AASDH: variants seen among roughly 807,000 people sequenced by gnomAD.
The protein encoded by AASDH is beta-alanine-activating enzyme.
AASDH carries 81 observed loss-of-function variants against 102.3 expected under a neutral mutation model. The ratio of observed to expected loss-of-function variants is 0.79; its 90% CI spans 0.66 to 0.95. The LOEUF (loss-of-function observed/expected upper bound fraction) is 0.95, where lower values mean the gene tolerates loss of function less well. AASDH is among the 40% of genes least tolerant of loss of function. The pLI is 0.00. For synonymous variants in AASDH, 398 were observed against 454.0 expected (o/e 0.88, Z 1.57); for missense variants, 1,203 against 1,266.2 (o/e 0.95, Z 0.76).
At chr4:56,360,772 C>T (rs1750195924) in intron 5 of AASDH, among the ~76,000 whole-genome samples, 1 of 152,084 alleles carries the variant, frequency 6.6e-6, no homozygotes, top group South Asian at 2.1e-4. Context: ...AACAGACAAC[C>T]TGAATTTTAA....
intron 5 of AASDH, among the ~76,000 whole-genome samples, chr4:56,358,097 TTA>T (rs1456964611): frequency 6.6e-6 from 1 of 152,076 alleles, no homozygotes; most frequent in East Asian, 1.9e-4. Flanking sequence ...AGTGTAAATA[TTA>T]TCTTAATTTC....
intron 5 of AASDH, among the ~76,000 whole-genome samples, chr4:56,367,107 C>G (rs1751110039): frequency 6.6e-6 from 1 of 152,108 alleles, no homozygotes; most frequent in South Asian, 2.1e-4. Context: ...TGAGTGAACT[C>G]CCATTCACAA....
At position 56,384,108 on chromosome 4, in the gene AASDH, G is replaced by A. The variant is rs1753276372; in HGVS notation, c.192C>T (p.Tyr64=). The part of the protein sequence containing the change: ...DFQGIREIGL[Y]CQPGIDLPSW... Reference sequence around the variant, plus strand: ...AGGGTAAGTCTATCCCAGGTTGGCAGTAGAGACCAATTTCCCGAATTCCTT... The same window carrying A: ...AGGGTAAGTCTATCCCAGGTTGGCAATAGAGACCAATTTCCCGAATTCCTT... The change falls in exon 2 of 15, where the codon TAC becomes TAT. Residue 64 remains tyrosine (Y), a synonymous_variant. Transcript: ENST00000205214. 3.7e-6 allele frequency: 6 copies of A among 1,614,158 alleles called. No individual in the cohort carries two copies. The highest frequency in any genetic ancestry group is 5.1e-6 in the Non-Finnish European group (6 of 1,179,998).
rs967913762 is a variant in AASDH, at chr4:56,355,073, A to G, written c.1103+109T>C. 3.8e-6 allele frequency: 5 copies of G among 1,304,706 alleles called. No individual in the cohort carries two copies. In the African/African-American group the frequency reaches 6.0e-5, roughly 16 times the overall value. The allele number at this position is 1,304,706 out of a possible 1,614,324, so 80.8% of individuals were successfully genotyped here. A position where few individuals can be genotyped will look rare whatever the true frequency, so the allele number is the denominator to read the frequency against. ...TTCCCAACTTAAAATATCAGATACA[A>G]TCGTGTTTCTAAAATTATTACCCCA... is the stretch of plus-strand genomic sequence containing the variant. On this transcript the variant is annotated intron_variant, in intron 6 of 14. Coordinates refer to ENST00000205214, the MANE Select transcript of AASDH (RefSeq NM_181806.4).
In AASDH at chr4:56,382,541, A is replaced by G; in HGVS notation, c.287T>C (p.Leu96Ser). 1.2e-6 allele frequency: 2 copies of G among 1,609,538 alleles called. No homozygotes were observed. The highest frequency in any genetic ancestry group is 1.7e-6 in the Non-Finnish European group (2 of 1,176,518). Residue 96 changes from leucine to serine, a missense_variant, in exon 3 of 15, where the codon TTA becomes TCA. Transcript: ENST00000205214. ...VPIEPDSPPS[L>S]STHFMKKCNL... is the part of the protein sequence containing the mutation. The stretch of plus-strand genomic sequence containing the variant: ...ACATTTTTTCATAAAATGAGTTGAT[A>G]ATGACGGTGGTGAATCTGGCTCGAT...
intron 14 of AASDH, among the ~76,000 whole-genome samples, chr4:56,342,110 CAAA>C (rs113304959): frequency 1.0e-5 from 1 of 97,484 alleles, no homozygotes; most frequent in African/African-American, 4.3e-5. Flanking sequence ...GATTCTGTCT[CAAA>C]AAAAAAAAAA....
At chr4:56,371,359 T>C in intron 5 of AASDH, 92 bp downstream of exon 5, 4 of 1,304,296 alleles carry the variant, frequency 3.1e-6, no homozygotes, top group South Asian at 1.4e-5. Flanking sequence ...TATTAATCCA[T>C]TGTAAAGAAC....
intron 4 of AASDH, among the ~76,000 whole-genome samples, chr4:56,377,171 A>G (rs1752459727): frequency 6.6e-6 from 1 of 152,180 alleles, no homozygotes; most frequent in African/African-American, 2.4e-5. Context: ...ATATTACTTA[A>G]GCATTTAAAA....
chr4:56,338,385 A>G lies in AASDH; in HGVS notation c.*17T>C, dbSNP rs374068073. 16 of 1,606,998 alleles carry G rather than the reference A, an allele frequency of 1.0e-5. No individual in the cohort carries two copies. In the African/African-American group the frequency reaches 1.6e-4, roughly 16 times the overall value. ...CAAATATCTCACATTTGTTATACAA[A>G]TAAGGACTGTATTTGATTATTTTTG... On this transcript the variant is annotated 3_prime_UTR_variant, in exon 15 of 15. Coordinates refer to ENST00000205214, the MANE Select transcript of AASDH (RefSeq NM_181806.4).
At chr4:56,368,307 G>A (rs1436132202) in intron 5 of AASDH, among the ~76,000 whole-genome samples, 1 of 152,178 alleles carries the variant, frequency 6.6e-6, no homozygotes, top group Non-Finnish European at 1.5e-5. Context: ...GGAAGTCAGT[G>A]TGGCGATTCC....
intron 14 of AASDH, among the ~76,000 whole-genome samples, chr4:56,340,672 G>A (rs1747556616): frequency 6.6e-6 from 1 of 152,164 alleles, no homozygotes; most frequent in South Asian, 2.1e-4. Flanking sequence ...AACAAAAATA[G>A]TTAAGTGGGA....
intron 5 of AASDH, among the ~76,000 whole-genome samples, chr4:56,366,451 C>T (rs1275392271): frequency 1.3e-5 from 2 of 152,142 alleles, no homozygotes; most frequent in Non-Finnish European, 2.9e-5. Flanking sequence ...CCTTGATGAA[C>T]ATTGATGCAA....
At chr4:56,356,565 A>C (rs1368584088) in intron 5 of AASDH, 3 of 761,054 alleles carry the variant, frequency 3.9e-6, no homozygotes, top group African/African-American at 3.4e-5. Flanking sequence ...CACCATCAAC[A>C]CCTTGGTGGA....
intron 3 of AASDH, among the ~76,000 whole-genome samples, chr4:56,381,441 G>C (rs1646626788): frequency 6.6e-6 from 1 of 151,936 alleles, no homozygotes; most frequent in Non-Finnish European, 1.5e-5. Context: ...AGCCGGGTGT[G>C]GTGGCATGCA....
At chr4:56,355,538 G>T in intron 5 of AASDH, 115 bp from the exon 6 acceptor site, 210 of 768,590 alleles carry the variant, frequency 2.7e-4, no homozygotes, top group South Asian at 8.7e-4. Flanking sequence ...TGAAGGCTGT[G>T]TTTATCAAAT....
chr4:56,364,766 G>A (rs1356540592), intron 5 of AASDH, among the ~76,000 whole-genome samples: 1 of 152,162 alleles, frequency 6.6e-6, no homozygotes, highest in African/African-American at 2.4e-5. Flanking sequence ...GCAAAATCAT[G>A]CCAAATTGTA....
intron 10 of AASDH, 24 bp downstream of exon 10, chr4:56,351,318 A>T: frequency 7.1e-7 from 1 of 1,414,444 alleles, no homozygotes; most frequent in Non-Finnish European, 9.9e-7. Context: ...TTATAATAAT[A>T]ATTTTATAAC....
rs753576337 is a variant in AASDH, at chr4:56,354,163, A to G, written c.1259T>C (p.Leu420Pro). The change falls in exon 8 of 15, where the codon CTT (leucine) becomes CCT (proline). Residue 420 changes from leucine to proline, a missense_variant. Transcript: ENST00000205214. Reference sequence around the variant, plus strand: ...GTCTCCTGTAGCTCGCATTGTGCCAAGTGGTACTGTCACTTCATCATCAAG... The same window carrying G: ...GTCTCCTGTAGCTCGCATTGTGCCAGGTGGTACTGTCACTTCATCATCAAG... ...CFLDDEVTVP[L>P]GTMRATGDFV... 5 of 1,609,760 alleles carry G rather than the reference A, an allele frequency of 3.1e-6. No homozygotes were observed. The South Asian group carries it at 4.4e-5, about 14-fold the overall frequency.
intron 4 of AASDH, among the ~76,000 whole-genome samples, chr4:56,373,176 G>C (rs955804671): frequency 6.6e-6 from 1 of 152,128 alleles, no homozygotes; most frequent in Non-Finnish European, 1.5e-5. Flanking sequence ...GTCTTGCTCT[G>C]TCACACAAGG....
Sources: allele counts gnomAD v4.1 joint callset (sites outside exome capture counted in the v4.1 genomes callset), GRCh38; gene constraint gnomAD v4.1.1; transcripts MANE v1.5; gene names NCBI Gene and HGNC (gene_info 2026-07-23, HGNC 2026-07-21).